The following CFAP69 variants were observed in gnomAD, a reference collection of about 807,000 sequenced individuals.
The protein encoded by CFAP69 is cilia and flagella associated protein 69, also known as cilia- and flagella-associated protein 69.
Under a neutral mutation model 123.0 loss-of-function variants are expected in CFAP69, and 92 were observed. The ratio of observed to expected loss-of-function variants is 0.75; its 90% confidence interval spans 0.63 to 0.89. CFAP69 has a LOEUF of 0.89. CFAP69 is among the 40% of genes least tolerant of loss of function. The probability of loss-of-function intolerance (pLI) is 0.00; values close to 1 mark genes in which losing one functional copy is unlikely to be tolerated. For synonymous variants in CFAP69, 380 were observed against 364.3 expected, an observed-to-expected ratio of 1.04 and a Z score of -0.49; for missense variants, 1,067 against 1,096.9, an observed-to-expected ratio of 0.97 and a Z score of 0.39.
Position 90,277,097 on chromosome 7 carries a change from A to G in CFAP69, c.1009A>G (p.Ile337Val), listed in dbSNP as rs1196944858. 6 of 1,575,196 alleles carry G rather than the reference A, an allele frequency of 3.8e-6. No individual in the cohort carries two copies. Among genetic ancestry groups the G allele is most frequent in the Middle Eastern group, 1.8e-4 (1 of 5,662 alleles). Residue 337 changes from isoleucine to valine, a missense_variant, in exon 10 of 23, where the codon ATA becomes GTA. Coordinates refer to ENST00000389297, the MANE Select transcript of CFAP69 (RefSeq NM_001039706.3). ...GGAATGTGGCTTTACCAAGGATTTG[A>G]TACTGTTTGCCACCTTTAATGAAGG... ...MIECGFTKDL[I>V]LFATFNEVKS...
At chr7:90,260,010 A>G (rs1015475654) in intron 3 of CFAP69, among the ~76,000 whole-genome samples, 5 of 152,196 alleles carry the variant, frequency 3.3e-5, no homozygotes, top group African/African-American at 7.2e-5. Flanking sequence ...TGTGGGCTGC[A>G]TGCTGCCCAG....
chr7:90,304,560 C>G (rs9655741), intron 18 of CFAP69, 184 bp from the exon 19 acceptor site: 706,587 of 1,363,738 alleles, frequency 0.52, 189,330 homozygotes, highest in Non-Finnish European at 0.55. Context: ...TAGAAAGAAG[C>G]CTACTCACAA....
chr7:90,273,705 G>A (rs1800309096), intron 8 of CFAP69, among the ~76,000 whole-genome samples: 2 of 152,116 alleles, frequency 1.3e-5, no homozygotes, highest in South Asian at 4.2e-4. Context: ...CTAGAATTCT[G>A]ATATCAGGGT....
At position 90,245,237 on chromosome 7, in the gene CFAP69, G is replaced by T; in HGVS notation, c.-188G>T. ...CAGAGGTCTGGGTCAACTGGGGGGC[G>T]GCAGCGGCGCTAAGCGGACTGTATG... On this transcript the variant is annotated 5_prime_UTR_variant, in exon 1 of 23. Coordinates refer to ENST00000389297, the MANE Select transcript of CFAP69 (RefSeq NM_001039706.3). 1.5e-6 allele frequency: 1 copy of T among 651,746 alleles called. No homozygotes were observed. Among genetic ancestry groups the T allele is most frequent in the Non-Finnish European group, 2.3e-6 (1 of 437,774 alleles). 40.4% of individuals were successfully genotyped at this position (651,746 alleles called of 1,614,324 possible).
At position 90,286,372 on chromosome 7, in the gene CFAP69, C is replaced by G; in HGVS notation, c.1629C>G (p.Gly543=). Residue 543 remains glycine (G), a synonymous_variant, in exon 14 of 23, where the codon GGC becomes GGG. Coordinates refer to ENST00000389297, the MANE Select transcript of CFAP69 (RefSeq NM_001039706.3). The part of the protein sequence containing the change: ...IQSDILLILS[G]LCENHIQRKE... ...CTGATATATTACTTATCCTATCTGG[C>G]CTTTGTGAGAATCACATTCAAAGGA... 6.2e-7 allele frequency: 1 copy of G among 1,611,628 alleles called. No homozygotes were observed. Among genetic ancestry groups the G allele is most frequent in the Non-Finnish European group, 8.5e-7 (1 of 1,179,212 alleles).
intron 13 of CFAP69, among the ~76,000 whole-genome samples, chr7:90,284,821 A>G (rs1320758977): frequency 6.6e-6 from 1 of 152,176 alleles, no homozygotes; most frequent in East Asian, 1.9e-4. Flanking sequence ...ATAACACAAG[A>G]TAGGTTAATT....
intron 12 of CFAP69, 85 bp downstream of exon 12, chr7:90,279,978 A>C (rs1218856323): frequency 5.1e-6 from 5 of 977,576 alleles, no homozygotes; most frequent in Non-Finnish European, 7.2e-6. Flanking sequence ...AATAACAATG[A>C]AGTTAATTAA....
chr7:90,261,919 TTTTA>T, intron 3 of CFAP69, 24 bp from the exon 4 acceptor site: 1 of 1,210,844 alleles, frequency 8.3e-7, no homozygotes, highest in Non-Finnish European at 1.2e-6. Flanking sequence ...TTAATCTGAA[TTTTA>T]TTTCTTAACT....
At position 90,307,854 on chromosome 7, in the gene CFAP69, G is replaced by A. The variant is rs11563551; in HGVS notation, c.2550G>A (p.Lys850=). 20,938 of 1,597,940 alleles carry A rather than the reference G, an allele frequency of 0.013. 916 individuals are homozygous for A. The highest frequency in any genetic ancestry group is 0.11 in the East Asian group (4,854 of 44,662). The change falls in exon 21 of 23, where the codon AAG becomes AAA. Residue 850 remains lysine (K), a splice_region_variant and synonymous_variant. Coordinates refer to ENST00000389297, the MANE Select transcript of CFAP69 (RefSeq NM_001039706.3). ...LARTSNAKTL[K]KAKSLQEKAI... ...GAACATCAAACGCTAAAACGTTAAA[G>A]GTAGGATTTTTAATGTATTATAGTA...
At chr7:90,248,375 A>T (rs1052064611) in intron 1 of CFAP69, among the ~76,000 whole-genome samples, 9 of 152,232 alleles carry the variant, frequency 5.9e-5, no homozygotes, top group Non-Finnish European at 1.0e-4. Context: ...TTCTGTGTGT[A>T]TGCTTTACTT....
chr7:90,266,057 T>C lies in CFAP69; in HGVS notation c.433+680T>C, dbSNP rs188169652. On this transcript the variant is annotated intron_variant, in intron 5 of 22. Transcript: ENST00000389297. ...ACTTACTAGTTTAGGTCTTTATTTG[T>C]ACAGGAGGAATAAAAGATACACAAT... 7.2e-5 allele frequency: 11 copies of C among 152,232 alleles called. No homozygotes were observed. In the East Asian group the frequency reaches 2.1e-3, roughly 29 times the overall value. The allele number at this position is 152,232 out of a possible 1,614,324, so 9.4% of individuals were successfully genotyped here. A position where few individuals can be genotyped will look rare whatever the true frequency, so the allele number is the denominator to read the frequency against.
At chr7:90,301,514 T>C (rs1562920529) in intron 17 of CFAP69, 1 of 152,134 alleles carries the variant, frequency 6.6e-6, no homozygotes, top group African/African-American at 2.4e-5. Context: ...CAGTGTGTGT[T>C]GTTCTCCTCC....
At chr7:90,322,660 T>C in the CFAP69 span, 1 of 152,234 alleles carries the variant, frequency 6.6e-6, no homozygotes, top group Non-Finnish European at 1.5e-5. Context: ...TTTATCTGTT[T>C]ACAAGTATTC....
chr7:90,292,450 A>C (rs372316896), intron 15 of CFAP69, among the ~76,000 whole-genome samples: 2 of 152,184 alleles, frequency 1.3e-5, no homozygotes, highest in Non-Finnish European at 2.9e-5. Context: ...CTCAAAGCAC[A>C]CCATTCCAGT....
chr7:90,286,450 A>G, intron 14 of CFAP69, 51 bp downstream of exon 14: 34 of 1,562,980 alleles, frequency 2.2e-5, no homozygotes, highest in Non-Finnish European at 2.9e-5. Flanking sequence ...ACCTAACACT[A>G]TAAACTATTT....
At chr7:90,288,153 T>C in intron 14 of CFAP69, 81 bp from the exon 15 acceptor site, 2 of 1,122,010 alleles carry the variant, frequency 1.8e-6, no homozygotes, top group Non-Finnish European at 2.6e-6. Flanking sequence ...AAAAAAGCAA[T>C]ATTAGGGGAC....
chr7:90,271,445 TA>T lies in CFAP69; in HGVS notation c.533-79del. The T allele has an allele frequency of 2.8e-6, 4 of 1,417,312 alleles. No individual in the cohort carries two copies. In the South Asian group the frequency reaches 5.5e-5, roughly 20 times the overall value. The allele number at this position is 1,417,312 out of a possible 1,614,324, so 87.8% of individuals were successfully genotyped here. On this transcript the variant is annotated intron_variant, in intron 6 of 22. Transcript: ENST00000389297. ...TTAAAAAGTTTTTCTTGCTGTTGCTTAATAATAAATTACTCATTCTTTTGTC... is the reference window on the plus strand; with the variant it reads ...TTAAAAAGTTTTTCTTGCTGTTGCTTATAATAAATTACTCATTCTTTTGTC...
At chr7:90,315,789 T>C (rs1310997747), downstream of CFAP69, among the ~76,000 whole-genome samples, 2 of 151,842 alleles carry the variant, frequency 1.3e-5, no homozygotes, top group Non-Finnish European at 1.5e-5. Context: ...TAAAAGTTTA[T>C]TTAAAGTTTA....
At chr7:90,319,127 C>A in the CFAP69 span, 4 of 339,878 alleles carry the variant, frequency 1.2e-5, no homozygotes, top group Non-Finnish European at 1.1e-5. Context: ...AATTATCTAC[C>A]AAAGTGTATT....
Sources: gnomAD v4.1 joint callset for allele counts (sites outside exome capture counted in the v4.1 genomes callset) on GRCh38, gnomAD v4.1.1 for gene constraint, MANE v1.5 for transcripts, NCBI Gene and HGNC (gene_info 2026-07-23, HGNC 2026-07-21) for gene names.